Variants in FAM117B observed in about 807,000 individuals in gnomAD.
FAM117B encodes protein FAM117B.
In FAM117B, 22 loss-of-function variants were observed where a neutral mutation model predicts 52.8. The ratio of observed to expected loss-of-function variants is 0.42; its 90% confidence interval spans 0.30 to 0.59. The LOEUF (loss-of-function observed/expected upper bound fraction) is 0.59, where lower values mean the gene tolerates loss of function less well. Among genes scored for constraint, FAM117B ranks in the 20% least tolerant of loss-of-function variants. The pLI is 0.22. For missense variants in FAM117B, 678 were observed against 802.6 expected, an observed-to-expected ratio of 0.84 and a Z score of 1.88; for synonymous variants, 309 against 324.1, an observed-to-expected ratio of 0.95 and a Z score of 0.50.
chr2:202,634,981 ATTG>A lies in FAM117B; in HGVS notation c.-203_-201del, dbSNP rs1347395060. ...GGGCGGGGGCAGCAGAGGAGACACT[ATTG>A]TTGATGAGGAGCGGCGGCGGCGGCG... is the stretch of plus-strand genomic sequence containing the variant. On this transcript the variant is annotated 5_prime_UTR_variant, in exon 1 of 8. Coordinates refer to ENST00000392238, the MANE Select transcript of FAM117B (RefSeq NM_173511.4). 6.7e-6 allele frequency among the ~76,000 whole-genome samples: 1 copy of A among 148,344 alleles called. No homozygotes were observed. Among genetic ancestry groups the A allele is most frequent in the Non-Finnish European group, 1.5e-5 (1 of 67,178 alleles).
chr2:202,756,095 G>T (rs1691796946), intron 5 of FAM117B, among the ~76,000 whole-genome samples: 1 of 152,132 alleles, frequency 6.6e-6, no homozygotes, highest in Non-Finnish European at 1.5e-5. Context: ...TGGTTGACAT[G>T]CTAGGCTATG....
At chr2:202,732,414 A>C (rs569241549) in intron 4 of FAM117B, among the ~76,000 whole-genome samples, 3 of 152,156 alleles carry the variant, frequency 2.0e-5, no homozygotes, top group African/African-American at 7.2e-5. Flanking sequence ...CCCAATGTCT[A>C]TCAGCTGATA....
intron 1 of FAM117B, among the ~76,000 whole-genome samples, chr2:202,654,922 A>C (rs1479819623): frequency 2.6e-5 from 4 of 152,050 alleles, no homozygotes; most frequent in Admixed American, 2.6e-4. Context: ...GGCTGCTATG[A>C]GTATACGTTT....
Position 202,635,274 on chromosome 2 carries a change from G to T in FAM117B, c.87G>T (p.Gly29=). 1 of 1,403,704 alleles carries T rather than the reference G, an allele frequency of 7.1e-7. No homozygotes were observed. The highest frequency in any genetic ancestry group is 1.5e-5 in the South Asian group (1 of 67,482). 87.0% of individuals were successfully genotyped at this position (1,403,704 alleles called of 1,614,324 possible). ...GGAVATAGGP[G]SRLQPMRATV... Reference sequence around the variant, plus strand: ...CGGTGGCCACGGCCGGGGGACCCGGGAGCCGCTTGCAGCCCATGAGGGCGA... The same window carrying T: ...CGGTGGCCACGGCCGGGGGACCCGGTAGCCGCTTGCAGCCCATGAGGGCGA... Residue 29 remains glycine (G), a synonymous_variant, in exon 1 of 8, where the codon GGG becomes GGT. Transcript: ENST00000392238.
chr2:202,757,387 G>A lies in FAM117B; in HGVS notation c.1279G>A (p.Glu427Lys), dbSNP rs369591557. 46 of 1,613,964 alleles carry A rather than the reference G, an allele frequency of 2.9e-5. No individual in the cohort carries two copies. The highest frequency in any genetic ancestry group is 3.5e-5 in the Non-Finnish European group (41 of 1,180,038). ...CCTCACCATTTCCAATGAAGGTAGC[G>A]AGGAGAGTCCTTGCTCAGCGGATGA... ...SFLTISNEGS[E>K]ESPCSADDLL... The change falls in exon 6 of 8, where the codon GAG (glutamate) becomes AAG (lysine). Residue 427 changes from glutamate (E) to lysine (K), a missense_variant. Glu to Lys is a moderately conservative substitution (Grantham distance 56, BLOSUM62 1). This residue lies in a region of FAM117B where 583 missense variants were observed against 644.8 expected (regional missense o/e 0.90). Coordinates refer to ENST00000392238, the MANE Select transcript of FAM117B (RefSeq NM_173511.4).
chr2:202,667,399 C>T (rs2105763936), intron 1 of FAM117B, among the ~76,000 whole-genome samples: 1 of 152,230 alleles, frequency 6.6e-6, no homozygotes, highest in Non-Finnish European at 1.5e-5. Context: ...CCACGCCCGG[C>T]CTAAGTATTT....
At position 202,635,373 on chromosome 2, in the gene FAM117B, C is replaced by T. The variant is rs1196248151; in HGVS notation, c.186C>T (p.Gly62=). The T allele has an allele frequency of 1.5e-6, 2 of 1,366,710 alleles. No homozygotes were observed. Among genetic ancestry groups the T allele is most frequent in the Non-Finnish European group, 9.4e-7 (1 of 1,062,216 alleles). 84.7% of individuals were successfully genotyped at this position (1,366,710 alleles called of 1,614,324 possible). A position where few individuals can be genotyped will look rare whatever the true frequency, so the allele number is the denominator to read the frequency against. The change falls in exon 1 of 8, where the codon GGC becomes GGT. Residue 62 remains glycine (G), a synonymous_variant. Transcript: ENST00000392238. ...CCACGCGGAGCGGCGGCGGCGGCGG[C>T]GGCAACAACAACGGTGGCTGCTGTG... ...GSPTRSGGGG[G]GNNNGGCCGG... is the part of the protein sequence containing the mutation.
At chr2:202,658,572 G>T (rs1690083821) in intron 1 of FAM117B, among the ~76,000 whole-genome samples, 1 of 152,118 alleles carries the variant, frequency 6.6e-6, no homozygotes, top group African/African-American at 2.4e-5. Context: ...AAGGTGTTGG[G>T]ATTACAGGTA....
At chr2:202,745,279 CAAA>C (rs199723740) in intron 4 of FAM117B, among the ~76,000 whole-genome samples, 3 of 115,526 alleles carry the variant, frequency 2.6e-5, no homozygotes, top group Non-Finnish European at 5.7e-5. Context: ...GACTCTGTGT[CAAA>C]AAAAAAAAAA....
At chr2:202,708,562 A>C (rs538722866) in intron 2 of FAM117B, among the ~76,000 whole-genome samples, 2 of 152,276 alleles carry the variant, frequency 1.3e-5, no homozygotes, top group Admixed American at 1.3e-4. Context: ...TACTGATTTC[A>C]GTTCTTTTGG....
Position 202,729,977 on chromosome 2 carries a change from T to C in FAM117B, c.960+3614T>C, listed in dbSNP as rs574399715. 2.0e-5 allele frequency among the ~76,000 whole-genome samples: 3 copies of C among 152,280 alleles called. No individual in the cohort carries two copies. The East Asian group carries it at 5.8e-4, about 29-fold the overall frequency. On this transcript the variant is annotated intron_variant, in intron 4 of 7. Coordinates refer to ENST00000392238, the MANE Select transcript of FAM117B (RefSeq NM_173511.4). ...CAAGATTAGAAGTAGGGAAATAATT[T>C]AAGAATAGGATTTAGTGATCCAAGT...
chr2:202,679,309 G>A (rs920114787), intron 1 of FAM117B, among the ~76,000 whole-genome samples: 2 of 152,194 alleles, frequency 1.3e-5, no homozygotes, highest in Admixed American at 1.3e-4. Flanking sequence ...GGAATCTCAG[G>A]GCATGATGCC....
intron 2 of FAM117B, among the ~76,000 whole-genome samples, chr2:202,719,721 G>A (rs1377209632): frequency 6.6e-6 from 1 of 152,060 alleles, no homozygotes; most frequent in African/African-American, 2.4e-5. Flanking sequence ...GTTCTCTGTA[G>A]CAATTTCCCC....
Position 202,696,017 on chromosome 2 carries a change from G to A in FAM117B, c.738G>A (p.Arg246=). The A allele has an allele frequency of 6.2e-7, 1 of 1,613,872 alleles. No homozygotes were observed. Among genetic ancestry groups the A allele is most frequent in the South Asian group, 1.1e-5 (1 of 91,036 alleles). Residue 246 remains arginine, a synonymous_variant, in exon 2 of 8, where the codon AGG becomes AGA. Coordinates refer to ENST00000392238, the MANE Select transcript of FAM117B (RefSeq NM_173511.4). The part of the protein sequence containing the change: ...DSHGQAAPCM[R]DKATQTESAW... ...ATGGGCAAGCTGCACCTTGCATGAG[G>A]GACAAAGCTACACAGGTAAGCTTAT...
chr2:202,760,547 TGTC>T (rs1314615237), intron 7 of FAM117B, among the ~76,000 whole-genome samples: 2 of 152,168 alleles, frequency 1.3e-5, no homozygotes, highest in East Asian at 3.9e-4. Flanking sequence ...GGCAGTGTCT[TGTC>T]AGGGAACCCA....
chr2:202,765,941 C>T lies in FAM117B; in HGVS notation c.*177C>T, dbSNP rs191659499. On this transcript the variant is annotated 3_prime_UTR_variant, in exon 8 of 8. Transcript: ENST00000392238. ...GTGACGGCTCTGCCCCACTTGTGAA[C>T]GCCAACCCTCAGTGCTTAGCCTGCT... The T allele has an allele frequency of 4.3e-5, 27 of 634,142 alleles. No homozygotes were observed. The highest frequency in any genetic ancestry group is 1.0e-4 in the South Asian group (5 of 49,610). 39.3% of individuals were successfully genotyped at this position (634,142 alleles called of 1,614,324 possible). A position where few individuals can be genotyped will look rare whatever the true frequency, so the allele number is the denominator to read the frequency against.
At chr2:202,654,742 T>C (rs1690026895) in intron 1 of FAM117B, among the ~76,000 whole-genome samples, 1 of 151,894 alleles carries the variant, frequency 6.6e-6, no homozygotes, top group East Asian at 1.9e-4. Flanking sequence ...ATGTGACCAA[T>C]TTGTTAATAA....
intron 1 of FAM117B, among the ~76,000 whole-genome samples, chr2:202,639,046 G>C (rs1462993566): frequency 6.6e-6 from 1 of 152,196 alleles, no homozygotes; most frequent in Non-Finnish European, 1.5e-5. Context: ...GTAAACGTCA[G>C]AGTCCCTTTT....
chr2:202,646,288 A>G (rs6435159), intron 1 of FAM117B, among the ~76,000 whole-genome samples: 151,784 of 152,380 alleles, frequency 1, 75,597 homozygotes, highest in East Asian at 1. Flanking sequence ...TGGGATTATA[A>G]GCGTGAGCCG....
Sources: allele counts gnomAD v4.1 joint callset (sites outside exome capture counted in the v4.1 genomes callset), GRCh38; gene constraint gnomAD v4.1.1; regional missense constraint gnomAD v4.1.1; transcripts MANE v1.5; gene names NCBI Gene and HGNC (gene_info 2026-07-23, HGNC 2026-07-21).